Variants in BCAT1 observed in about 807,000 individuals in gnomAD.
BCAT1 encodes the protein branched-chain-amino-acid aminotransferase, cytosolic.
In BCAT1, 48 loss-of-function variants were observed where a neutral mutation model predicts 52.4. The observed-to-expected ratio is 0.92, with a 90% CI of 0.73 to 1.16. The LOEUF (loss-of-function observed/expected upper bound fraction) is 1.16, where lower values mean the gene tolerates loss of function less well. Ranked by LOEUF, BCAT1 falls within the 50% of genes most tolerant of loss-of-function variation. BCAT1 has a pLI of 0.00. For synonymous variants in BCAT1, 167 were observed against 161.3 expected, an observed-to-expected ratio of 1.04 and a Z score of -0.27; for missense variants, 451 against 457.1, an observed-to-expected ratio of 0.99 and a Z score of 0.12.
intron 8 of BCAT1, chr12:24,833,774 T>C (rs573549205): frequency 6.6e-6 from 1 of 151,838 alleles, no homozygotes; most frequent in Admixed American, 6.6e-5. Flanking sequence ...AACCCAGGTC[T>C]GATCTGATTG....
intron 1 of BCAT1, among the ~76,000 whole-genome samples, chr12:24,923,760 A>G (rs181196047): frequency 6.6e-6 from 1 of 152,308 alleles, no homozygotes; most frequent in East Asian, 1.9e-4. Flanking sequence ...CTGAGTATCA[A>G]GAAGATTGAT....
intron 2 of BCAT1, among the ~76,000 whole-genome samples, chr12:24,900,468 G>A (rs1943071219): frequency 1.3e-5 from 2 of 152,122 alleles, no homozygotes; most frequent in South Asian, 2.1e-4. Context: ...CAAGCCGATA[G>A]TCTCAGGTAC....
rs1476027158 is a variant in BCAT1 at position 24,832,815 on chromosome 12, T to C, written c.952A>G (p.Thr318Ala). Residue 318 changes from threonine to alanine, a missense_variant, in exon 9 of 11, where the codon ACA (threonine) becomes GCA (alanine). Coordinates refer to ENST00000261192, the MANE Select transcript of BCAT1 (RefSeq NM_005504.7). Reference sequence around the variant, plus strand: ...CTCACTCTGTTCCCCTCCAGGGCTGTTGTCAAGTCATCCATGGTGAGGTAT... The same window carrying C: ...CTCACTCTGTTCCCCTCCAGGGCTGCTGTCAAGTCATCCATGGTGAGGTAT... ...ERYLTMDDLT[T>A]ALEGNRVREM... 3.7e-6 allele frequency: 6 copies of C among 1,612,304 alleles called. No homozygotes were observed. The highest frequency in any genetic ancestry group is 3.4e-6 in the Non-Finnish European group (4 of 1,179,186).
chr12:24,878,362 C>T (rs190890516), intron 5 of BCAT1, among the ~76,000 whole-genome samples, 168 bp downstream of exon 5: 14 of 152,150 alleles, frequency 9.2e-5, no homozygotes, highest in Non-Finnish European at 1.8e-4. Context: ...TACTGATTGG[C>T]GCTTCACAGA....
At position 24,836,906 on chromosome 12, in the gene BCAT1, GAGAGAAAGAAAGAAAGAAAGAAAGAA is replaced by G. The variant is rs1464293959; in HGVS notation, c.818-336_818-311del. ...GAAAGAAAGAAAGAAAGAAAAGAAA[GAGAGAAAGAAAGAAAGAAAGAAAGAA>G]AGAAAGAAAGAAAGAAAGAAAGAAA... is the stretch of plus-strand genomic sequence containing the variant. On this transcript the variant is annotated intron_variant, in intron 7 of 10. Coordinates refer to ENST00000261192, the MANE Select transcript of BCAT1 (RefSeq NM_005504.7). 8.1e-4 allele frequency among the ~76,000 whole-genome samples: 62 copies of G among 76,264 alleles called. 3 individuals are homozygous for G. Among genetic ancestry groups the G allele is most frequent in the Middle Eastern group, 7.2e-3 (1 of 138 alleles). The allele number at this position is 76,264 out of a possible 152,430, so 50.0% of individuals were successfully genotyped here.
chr12:24,909,608 T>G lies in BCAT1; in HGVS notation c.7-7723A>C, dbSNP rs562249354. Reference sequence around the variant, plus strand: ...ATCCTACCTTTCTTCTTCTAGCTTCTGGTAACCCAGGTGTTTCTTGGCTTG... The same window carrying G: ...ATCCTACCTTTCTTCTTCTAGCTTCGGGTAACCCAGGTGTTTCTTGGCTTG... On this transcript the variant is annotated intron_variant, in intron 1 of 10. Transcript: ENST00000261192. 7.9e-5 allele frequency among the ~76,000 whole-genome samples: 12 copies of G among 152,344 alleles called. No individual in the cohort carries two copies. In the South Asian group the frequency reaches 2.5e-3, roughly 32 times the overall value.
At chr12:24,863,941 A>G (rs1941925861) in intron 5 of BCAT1, among the ~76,000 whole-genome samples, 1 of 152,128 alleles carries the variant, frequency 6.6e-6, no homozygotes, top group Admixed American at 6.5e-5. Context: ...AAAAAAAAAA[A>G]AGAAGCCATG....
intron 3 of BCAT1, among the ~76,000 whole-genome samples, chr12:24,890,227 C>G (rs1942798274): frequency 6.6e-6 from 1 of 152,098 alleles, no homozygotes; most frequent in African/African-American, 2.4e-5. Context: ...TGTGTCTGGG[C>G]CAGGTGAGGG....
chr12:24,848,518 A>G (rs902673704), intron 6 of BCAT1, among the ~76,000 whole-genome samples: 1 of 152,194 alleles, frequency 6.6e-6, no homozygotes, highest in Admixed American at 6.5e-5. Flanking sequence ...CTGTGTCCCC[A>G]GGTTATCTTT....
chr12:24,880,880 G>C (rs555567701), intron 4 of BCAT1, among the ~76,000 whole-genome samples: 1 of 149,618 alleles, frequency 6.7e-6, no homozygotes, highest in Admixed American at 6.7e-5. Context: ...TTGCGGCTTA[G>C]GCTGGAGGGC....
At chr12:24,923,780 CA>C (rs1006177616) in intron 1 of BCAT1, among the ~76,000 whole-genome samples, 4 of 152,260 alleles carry the variant, frequency 2.6e-5, no homozygotes, top group African/African-American at 9.6e-5. Flanking sequence ...TTGCCTTGAC[CA>C]AAGTAACACA....
chr12:24,842,269 C>T (rs781068093), intron 6 of BCAT1, 45 bp from the exon 7 acceptor site: 10 of 1,600,450 alleles, frequency 6.2e-6, no homozygotes, highest in Middle Eastern at 1.6e-4. Context: ...TACTTCATCC[C>T]CACTCCCTCA....
chr12:24,828,048 A>G (rs965801280), intron 10 of BCAT1, among the ~76,000 whole-genome samples: 1 of 152,088 alleles, frequency 6.6e-6, no homozygotes, highest in Admixed American at 6.6e-5. Flanking sequence ...CACTGCACCC[A>G]GCCAGAAATG....
chr12:24,866,001 G>A (rs975535257), intron 5 of BCAT1, among the ~76,000 whole-genome samples: 3 of 152,220 alleles, frequency 2.0e-5, no homozygotes, highest in Non-Finnish European at 2.9e-5. Flanking sequence ...TCAGCCTGCC[G>A]CTGCACTGTG....
chr12:24,885,581 A>G (rs1942639533), intron 3 of BCAT1, among the ~76,000 whole-genome samples: 1 of 152,186 alleles, frequency 6.6e-6, no homozygotes, highest in Non-Finnish European at 1.5e-5. Flanking sequence ...AATTATATGG[A>G]AAGAAAATGA....
At chr12:24,920,359 G>A (rs996171592) in intron 1 of BCAT1, among the ~76,000 whole-genome samples, 1 of 152,182 alleles carries the variant, frequency 6.6e-6, no homozygotes, top group Non-Finnish European at 1.5e-5. Flanking sequence ...TTAATTAGAG[G>A]CCTGCTGCAG....
At chr12:24,836,490 G>A in intron 8 of BCAT1, 21 bp downstream of exon 8, 4 of 1,591,026 alleles carry the variant, frequency 2.5e-6, no homozygotes, top group Non-Finnish European at 3.4e-6. Flanking sequence ...TACAAAAGTT[G>A]TTCATATCAA....
intron 9 of BCAT1, 42 bp from the exon 10 acceptor site, chr12:24,829,939 G>A (rs781720569): frequency 4.1e-6 from 6 of 1,454,290 alleles, no homozygotes; most frequent in Non-Finnish European, 4.7e-6. Flanking sequence ...GGGTACTCAT[G>A]TATATGGTGA....
chr12:24,816,665 A>G lies in BCAT1; in HGVS notation c.*1343T>C, dbSNP rs1939887501. 2 of 396,250 alleles carry G rather than the reference A, an allele frequency of 5.0e-6. No individual in the cohort carries two copies. Among genetic ancestry groups the G allele is most frequent in the African/African-American group, 2.1e-5 (1 of 48,328 alleles). The allele number at this position is 396,250 out of a possible 1,614,324, so 24.5% of individuals were successfully genotyped here. A position where few individuals can be genotyped will look rare whatever the true frequency, so the allele number is the denominator to read the frequency against. ...CATTTGTCATTTCCATTTGGTTGGT[A>G]TGATATCATGACCTCTCTCTAGAGC... On this transcript the variant is annotated 3_prime_UTR_variant, in exon 11 of 11. Coordinates refer to ENST00000261192, the MANE Select transcript of BCAT1 (RefSeq NM_005504.7).
Sources: allele counts gnomAD v4.1 joint callset (sites outside exome capture counted in the v4.1 genomes callset), GRCh38; gene constraint gnomAD v4.1.1; transcripts MANE v1.5; gene names NCBI Gene and HGNC (gene_info 2026-07-23, HGNC 2026-07-21).